The following KNOP1 variants were observed in gnomAD, a reference collection of about 807,000 sequenced individuals.
The protein encoded by KNOP1 is lysine-rich nucleolar protein 1.
Under a neutral mutation model 30.6 loss-of-function variants are expected in KNOP1, and 20 were observed. That is an observed-to-expected ratio of 0.65 (90% CI 0.46 to 0.95). The LOEUF (loss-of-function observed/expected upper bound fraction) is 0.95. KNOP1 is among the 40% of genes least tolerant of loss of function. The pLI is 0.00. For missense variants in KNOP1, 540 were observed against 562.0 expected, an observed-to-expected ratio of 0.96 and a Z score of 0.40; for synonymous variants, 204 against 210.0, an observed-to-expected ratio of 0.97 and a Z score of 0.25.
chr16:19,709,271 A>G (rs1315020160), intron 4 of KNOP1, among the ~76,000 whole-genome samples: 1 of 152,188 alleles, frequency 6.6e-6, no homozygotes, highest in Non-Finnish European at 1.5e-5. Context: ...TTTTGATCCG[A>G]ATCGACTGTT....
At chr16:19,713,640 G>A (rs924572382) in intron 2 of KNOP1, among the ~76,000 whole-genome samples, 1 of 152,136 alleles carries the variant, frequency 6.6e-6, no homozygotes, top group African/African-American at 2.4e-5. Flanking sequence ...ATCTCATACA[G>A]GCATCTCCGG....
intron 3 of KNOP1, among the ~76,000 whole-genome samples, chr16:19,710,911 CAAA>C (rs547237111): frequency 0.089 from 7,212 of 80,708 alleles, 528 homozygotes; most frequent in African/African-American, 0.26. Flanking sequence ...GACTCCGTCT[CAAA>C]AAAAAAAAAA....
At chr16:19,715,698 C>T (rs1431932766) in intron 1 of KNOP1, among the ~76,000 whole-genome samples, 2 of 152,064 alleles carry the variant, frequency 1.3e-5, no homozygotes, top group Non-Finnish European at 2.9e-5. Flanking sequence ...TGGGATTACA[C>T]GCATGAGCCA....
At chr16:19,711,289 C>G in intron 3 of KNOP1, 83 bp downstream of exon 3, 1 of 1,426,002 alleles carries the variant, frequency 7.0e-7, no homozygotes, top group Non-Finnish European at 9.9e-7. Context: ...CCAGGATCAC[C>G]TAGCCAGCCT....
At chr16:19,712,475 G>A (rs967379404) in intron 2 of KNOP1, among the ~76,000 whole-genome samples, 2 of 152,192 alleles carry the variant, frequency 1.3e-5, no homozygotes, top group Admixed American at 1.3e-4. Flanking sequence ...TTCTACAAGA[G>A]GTTACATAGA....
chr16:19,710,222 C>T, intron 4 of KNOP1: 1 of 499,128 alleles, frequency 2.0e-6, no homozygotes, highest in Non-Finnish European at 3.6e-6. Context: ...AATGTGTCCT[C>T]AGTGATTAAT....
rs893683662 is a variant in KNOP1 at position 19,705,912 on chromosome 16, T to C, written c.*998A>G. 1 of 152,328 alleles carries C rather than the reference T, an allele frequency of 6.6e-6. No individual in the cohort carries two copies. The allele number at this position is 152,328 out of a possible 1,614,324, so 9.4% of individuals were successfully genotyped here. Reference sequence around the variant, plus strand: ...ATCTCAAAACACACACACACGTCCCTGGGATCTGCCATTGATTCATTTGCG... The same window carrying C: ...ATCTCAAAACACACACACACGTCCCCGGGATCTGCCATTGATTCATTTGCG... On this transcript the variant is annotated 3_prime_UTR_variant, in exon 5 of 5. Coordinates refer to ENST00000219837, the MANE Select transcript of KNOP1 (RefSeq NM_001012991.3).
chr16:19,713,829 C>A (rs190026088), intron 2 of KNOP1, among the ~76,000 whole-genome samples: 6 of 152,160 alleles, frequency 3.9e-5, no homozygotes, highest in African/African-American at 1.2e-4. Context: ...CAGACCCCAA[C>A]GGCAGACAGG....
In KNOP1 at chr16:19,702,201, T is replaced by TA. The variant is rs926844897; in HGVS notation, c.*4708dup. The TA allele has an allele frequency of 6.6e-6, 1 of 152,200 alleles. No homozygotes were observed. The highest frequency in any genetic ancestry group is 2.4e-5 in the African/African-American group (1 of 41,444). The allele number at this position is 152,200 out of a possible 1,614,324, so 9.4% of individuals were successfully genotyped here. On this transcript the variant is annotated 3_prime_UTR_variant, in exon 5 of 5. Transcript: ENST00000219837. ...TTTCTCCATGTTGGTCAGGCTGGTC[T>TA]AGAACTCCTGACCTCAGGTGATCCG... is the stretch of plus-strand genomic sequence containing the variant.
intron 2 of KNOP1, among the ~76,000 whole-genome samples, chr16:19,713,426 T>C (rs1048419358): frequency 6.6e-6 from 1 of 152,134 alleles, no homozygotes; most frequent in African/African-American, 2.4e-5. Flanking sequence ...TCTGGATAGA[T>C]TGACCCAACT....
chr16:19,709,652 C>T (rs983179079), intron 4 of KNOP1, among the ~76,000 whole-genome samples: 2 of 152,186 alleles, frequency 1.3e-5, no homozygotes, highest in South Asian at 4.1e-4. Context: ...AGGCCCTTTC[C>T]TACCTTAGGG....
intron 1 of KNOP1, chr16:19,717,274 G>A: frequency 3.1e-6 from 3 of 976,782 alleles, no homozygotes; most frequent in African/African-American, 3.5e-5. Flanking sequence ...CGCGGATAAT[G>A]GGGGAGGGGG....
Position 19,704,597 on chromosome 16 carries a change from AG to A in KNOP1, c.*2312del, listed in dbSNP as rs1253539849. Reference sequence around the variant, plus strand: ...CCGTGAGACTCCATCTCAAAAAAAAAGAAACGAACGGCTGGTTCCTGTTTAC... The same window carrying A: ...CCGTGAGACTCCATCTCAAAAAAAAAAAACGAACGGCTGGTTCCTGTTTAC... On this transcript the variant is annotated 3_prime_UTR_variant, in exon 5 of 5. Transcript: ENST00000219837. The A allele has an allele frequency of 6.6e-6, 1 of 152,278 alleles. No homozygotes were observed. The highest frequency in any genetic ancestry group is 1.9e-4 in the East Asian group (1 of 5,186). The allele number at this position is 152,278 out of a possible 1,614,324, so 9.4% of individuals were successfully genotyped here.
At chr16:19,709,068 A>G (rs1257859320) in intron 4 of KNOP1, among the ~76,000 whole-genome samples, 1 of 152,060 alleles carries the variant, frequency 6.6e-6, no homozygotes, top group African/African-American at 2.4e-5. Flanking sequence ...TTCAAGCTGG[A>G]TGTCCCATCA....
At chr16:19,711,107 C>T (rs1976695080) in intron 3 of KNOP1, among the ~76,000 whole-genome samples, 1 of 152,204 alleles carries the variant, frequency 6.6e-6, no homozygotes, top group South Asian at 2.1e-4. Context: ...AGGGACATGT[C>T]CCCCACATCC....
At position 19,707,200 on chromosome 16, in the gene KNOP1, C is replaced by T. The variant is rs1976424773; in HGVS notation, c.1087G>A (p.Asp363Asn). 2.5e-6 allele frequency: 4 copies of T among 1,613,052 alleles called. No individual in the cohort carries two copies. Among genetic ancestry groups the T allele is most frequent in the Non-Finnish European group, 3.4e-6 (4 of 1,179,954 alleles). ...KWTGTQFGQWDTAGFENEDQK... is the reference protein window; with the variant it reads ...KWTGTQFGQWNTAGFENEDQK... ...TCCTCGTTCTCAAAACCAGCAGTAT[C>T]CCACTGGCCAAACTGGGTTCCCTGT... Residue 363 changes from aspartate to asparagine, a missense_variant, in exon 5 of 5, where the codon GAT (aspartate) becomes AAT (asparagine). Coordinates refer to ENST00000219837, the MANE Select transcript of KNOP1 (RefSeq NM_001012991.3).
intron 1 of KNOP1, chr16:19,717,462 A>T (rs551986669): frequency 1.0e-6 from 1 of 985,448 alleles, no homozygotes; most frequent in Non-Finnish European, 1.2e-6. Context: ...AGACGACTTC[A>T]GAATAGGGGA....
At chr16:19,707,724 C>A (rs1409397787) in intron 4 of KNOP1, among the ~76,000 whole-genome samples, 1 of 121,392 alleles carries the variant, frequency 8.2e-6, no homozygotes, top group East Asian at 2.7e-4. Flanking sequence ...ACTCCCCCCA[C>A]GACCCTACAC....
At chr16:19,716,820 G>C (rs2058895613) in intron 1 of KNOP1, among the ~76,000 whole-genome samples, 1 of 152,156 alleles carries the variant, frequency 6.6e-6, no homozygotes, top group South Asian at 2.1e-4. Flanking sequence ...TTTATTACTA[G>C]CTAGATTGTT....
Sources: allele counts gnomAD v4.1 joint callset (sites outside exome capture counted in the v4.1 genomes callset), GRCh38; gene constraint gnomAD v4.1.1; transcripts MANE v1.5; gene names NCBI Gene and HGNC (gene_info 2026-07-23, HGNC 2026-07-21).